Variants in CDH9 observed in about 807,000 individuals in gnomAD.
The protein encoded by CDH9 is cadherin-9.
Under a neutral mutation model 70.9 loss-of-function variants are expected in CDH9, and 28 were observed. The observed-to-expected ratio is 0.40, with a 90% CI of 0.29 to 0.54. The LOEUF (loss-of-function observed/expected upper bound fraction) is 0.54, where lower values mean the gene tolerates loss of function less well. Among genes scored for constraint, CDH9 ranks in the 20% least tolerant of loss-of-function variants. The probability of loss-of-function intolerance (pLI) is 0.59; values close to 1 mark genes in which losing one functional copy is unlikely to be tolerated. For synonymous variants in CDH9, 409 were observed against 343.1 expected, an observed-to-expected ratio of 1.19 and a Z score of -2.12; for missense variants, 874 against 984.4, an observed-to-expected ratio of 0.89 and a Z score of 1.50.
At chr5:26,902,966 A>G (rs993704809) in intron 6 of CDH9, 1 of 376,544 alleles carries the variant, frequency 2.7e-6, no homozygotes. Context: ...TCACTTAGTA[A>G]TATGCTTCAT....
intron 1 of CDH9, 106 bp from the exon 2 acceptor site, chr5:26,988,488 T>A: frequency 1.1e-6 from 1 of 910,902 alleles, no homozygotes; most frequent in Non-Finnish European, 1.5e-6. Flanking sequence ...TTTTATTATG[T>A]ACTATATATA....
chr5:26,926,918 C>CCCCCT (rs1554037343), intron 2 of CDH9, among the ~76,000 whole-genome samples: 4 of 47,668 alleles, frequency 8.4e-5, no homozygotes, highest in African/African-American at 3.6e-4. Context: ...AAAAATACAG[C>CCCCCT]CCCCCCCCGC....
chr5:26,989,664 C>T, intron 1 of CDH9, among the ~76,000 whole-genome samples: 1 of 151,968 alleles, frequency 6.6e-6, no homozygotes, highest in East Asian at 1.9e-4. Flanking sequence ...ATAGTCTTTT[C>T]TAATTGGAGT....
chr5:26,936,899 A>G (rs1250326347), intron 2 of CDH9, among the ~76,000 whole-genome samples: 3 of 152,168 alleles, frequency 2.0e-5, no homozygotes, highest in African/African-American at 7.2e-5. Flanking sequence ...GTGTTTTTAG[A>G]TAATAGACTT....
At chr5:26,940,183 G>T (rs963637548) in intron 2 of CDH9, among the ~76,000 whole-genome samples, 1 of 151,078 alleles carries the variant, frequency 6.6e-6, no homozygotes, top group Non-Finnish European at 1.5e-5. Flanking sequence ...AAAGAAAGGA[G>T]ATTTTTTTGA....
chr5:27,014,094 A>G (rs763069937), intron 1 of CDH9, among the ~76,000 whole-genome samples: 2 of 152,004 alleles, frequency 1.3e-5, no homozygotes, highest in Non-Finnish European at 2.9e-5. Flanking sequence ...AGGCCACTGT[A>G]CATCTCAAAT....
intron 1 of CDH9, among the ~76,000 whole-genome samples, chr5:27,007,915 T>A (rs1742894513): frequency 6.6e-6 from 1 of 152,120 alleles, no homozygotes; most frequent in African/African-American, 2.4e-5. Context: ...ATATTAATTT[T>A]TTTTCAGGTT....
At chr5:26,907,680 A>T (rs753467847) in intron 3 of CDH9, among the ~76,000 whole-genome samples, 13 of 152,270 alleles carry the variant, frequency 8.5e-5, no homozygotes, top group Admixed American at 7.2e-4. Context: ...TTTTAAAATT[A>T]TCTTTTCCTG....
chr5:26,890,405 G>C (rs372072724), intron 8 of CDH9, 23 bp downstream of exon 8: 1 of 1,605,670 alleles, frequency 6.2e-7, no homozygotes, highest in African/African-American at 1.3e-5. Context: ...CAGTGTCTTC[G>C]GGTAGATGTA....
At chr5:26,899,420 A>G (rs1740812930) in intron 7 of CDH9, among the ~76,000 whole-genome samples, 1 of 152,132 alleles carries the variant, frequency 6.6e-6, no homozygotes, top group African/African-American at 2.4e-5. Context: ...GGACCAACCC[A>G]AATGTCCATC....
chr5:27,006,033 A>C (rs1401635589), intron 1 of CDH9, among the ~76,000 whole-genome samples: 1 of 152,004 alleles, frequency 6.6e-6, no homozygotes, highest in African/African-American at 2.4e-5. Flanking sequence ...TGGAGGCTGG[A>C]AGGAGGGAGT....
At chr5:26,947,597 G>C (rs1031422120) in intron 2 of CDH9, among the ~76,000 whole-genome samples, 1 of 152,170 alleles carries the variant, frequency 6.6e-6, no homozygotes, top group Non-Finnish European at 1.5e-5. Context: ...GAAAGGACAT[G>C]AGATATTTAT....
intron 2 of CDH9, among the ~76,000 whole-genome samples, chr5:26,952,780 G>T (rs1306043269): frequency 6.6e-6 from 1 of 150,418 alleles, no homozygotes; most frequent in Non-Finnish European, 1.5e-5. Flanking sequence ...GACAAATGGT[G>T]TATCATGGGA....
At chr5:26,905,323 T>C (rs886255423) in intron 5 of CDH9, among the ~76,000 whole-genome samples, 5 of 152,166 alleles carry the variant, frequency 3.3e-5, no homozygotes, top group Admixed American at 6.6e-5. Flanking sequence ...TTAACTGATG[T>C]AATCTTCATA....
At chr5:26,911,312 G>T (rs1741049239) in intron 3 of CDH9, among the ~76,000 whole-genome samples, 1 of 151,960 alleles carries the variant, frequency 6.6e-6, no homozygotes, top group Non-Finnish European at 1.5e-5. Context: ...AAATATATTT[G>T]GTCAAGAATT....
chr5:27,026,277 T>G (rs1373337502), intron 1 of CDH9, among the ~76,000 whole-genome samples: 1 of 151,988 alleles, frequency 6.6e-6, no homozygotes, highest in African/African-American at 2.4e-5. Context: ...AATATAACAA[T>G]GTGGGGTTTA....
chr5:27,022,032 T>C (rs556725170), intron 1 of CDH9, among the ~76,000 whole-genome samples: 1 of 152,038 alleles, frequency 6.6e-6, no homozygotes, highest in Admixed American at 6.6e-5. Flanking sequence ...CTTTTGTGAA[T>C]TGGGGGTGCT....
intron 2 of CDH9, among the ~76,000 whole-genome samples, chr5:26,916,557 CTAA>C (rs1203262096): frequency 1.3e-5 from 2 of 151,908 alleles, no homozygotes; most frequent in African/African-American, 4.8e-5. Context: ...GCAACAATAA[CTAA>C]TGATAAAATT....
At chr5:26,950,769 G>GT (rs2112046445) in intron 2 of CDH9, among the ~76,000 whole-genome samples, 1 of 152,266 alleles carries the variant, frequency 6.6e-6, no homozygotes, top group South Asian at 2.1e-4. Flanking sequence ...GTAACATTAT[G>GT]TTTAACAAAT....
Sources: gnomAD v4.1 joint callset for allele counts (sites outside exome capture counted in the v4.1 genomes callset) on GRCh38, gnomAD v4.1.1 for gene constraint, MANE v1.5 for transcripts, NCBI Gene and HGNC (gene_info 2026-07-23, HGNC 2026-07-21) for gene names.